METTL16: variants seen among roughly 807,000 people sequenced by gnomAD.
METTL16 encodes the protein methyltransferase 16, RNA N6-adenosine.
Under a neutral mutation model 57.9 loss-of-function variants are expected in METTL16, and 19 were observed. The observed-to-expected ratio is 0.33, with a 90% confidence interval of 0.23 to 0.48. The LOEUF (loss-of-function observed/expected upper bound fraction) is 0.48, where lower values mean the gene tolerates loss of function less well. Ranked by LOEUF, METTL16 falls within the 20% of genes least tolerant of loss-of-function variation. METTL16 has a pLI of 0.99. For missense variants in METTL16, 434 were observed against 691.5 expected (o/e 0.63, Z 4.18); for synonymous variants, 246 against 255.6 (o/e 0.96, Z 0.36).
At chr17:2,448,386 T>G (rs2067032476) in intron 6 of METTL16, among the ~76,000 whole-genome samples, 1 of 40,374 alleles carries the variant, frequency 2.5e-5, no homozygotes, top group East Asian at 5.2e-4. Flanking sequence ...ACTTTTCATT[T>G]TGTTCTGTAC....
Position 2,419,761 on chromosome 17 carries a change from T to C in METTL16, c.*209A>G. On this transcript the variant is annotated 3_prime_UTR_variant, in exon 10 of 10. Transcript: ENST00000263092. ...TGTTGTTACTGATGACCACAATTCC[T>C]CCTTGTAAATGACCACACTACGACT... is the stretch of plus-strand genomic sequence containing the variant. The C allele has an allele frequency of 1.4e-6, 1 of 713,744 alleles. No homozygotes were observed. The highest frequency in any genetic ancestry group is 2.5e-6 in the Non-Finnish European group (1 of 398,778). 44.2% of individuals were successfully genotyped at this position (713,744 alleles called of 1,614,324 possible).
chr17:2,420,249 T>C lies in METTL16; in HGVS notation c.1410A>G (p.Glu470=), dbSNP rs1415685047. The C allele has an allele frequency of 5.0e-6, 8 of 1,614,146 alleles. No individual in the cohort carries two copies. In the Middle Eastern group the frequency reaches 4.9e-4, roughly 100 times the overall value. The change falls in exon 10 of 10, where the codon GAA becomes GAG. Residue 470 remains glutamate, a synonymous_variant. Coordinates refer to ENST00000263092, the MANE Select transcript of METTL16 (RefSeq NM_024086.4). The surrounding 1 kb of genome is among the most constrained non-coding windows in gnomAD (Gnocchi z 5.4). ...TTTCCAAAACCTCCACCCCTCCCTTTTCCTCACTCCTTTCATCCTCCGTGG... is the reference window on the plus strand; with the variant it reads ...TTTCCAAAACCTCCACCCCTCCCTTCTCCTCACTCCTTTCATCCTCCGTGG... ...PEPTEDERSE[E]KGGVEVLESC... is the part of the protein sequence containing the mutation.
chr17:2,506,725 G>A (rs542169243), intron 1 of METTL16, among the ~76,000 whole-genome samples: 2,804 of 152,194 alleles, frequency 0.018, 87 homozygotes, highest in African/African-American at 0.065. Flanking sequence ...GGGAAGTGAG[G>A]AGCGTCTCTG....
chr17:2,485,528 T>C (rs2067335325), intron 2 of METTL16, among the ~76,000 whole-genome samples: 1 of 152,170 alleles, frequency 6.6e-6, no homozygotes, highest in Non-Finnish European at 1.5e-5. Flanking sequence ...AGTAGAATTG[T>C]AAAGAAAGTT....
intron 2 of METTL16, among the ~76,000 whole-genome samples, chr17:2,488,258 A>T (rs1357014409): frequency 1.3e-5 from 2 of 152,146 alleles, no homozygotes; most frequent in Non-Finnish European, 2.9e-5. Context: ...TTCTGCCTTT[A>T]AAAAGAAGGA....
At chr17:2,452,018 T>A (rs546460798) in intron 6 of METTL16, among the ~76,000 whole-genome samples, 1 of 151,456 alleles carries the variant, frequency 6.6e-6, no homozygotes, top group Non-Finnish European at 1.5e-5. Flanking sequence ...ATGCCTGTGG[T>A]CCCAGCTACT....
intron 6 of METTL16, among the ~76,000 whole-genome samples, chr17:2,459,226 A>C (rs1445625572): frequency 6.6e-6 from 1 of 152,244 alleles, no homozygotes; most frequent in African/African-American, 2.4e-5. Context: ...CTCTTCACAG[A>C]GTCCAACTGC....
At chr17:2,440,150 G>C (rs146182317) in intron 7 of METTL16, among the ~76,000 whole-genome samples, 1 of 152,146 alleles carries the variant, frequency 6.6e-6, no homozygotes, top group South Asian at 2.1e-4. Flanking sequence ...CCAGCTACTT[G>C]AGAGGCTGAA....
At chr17:2,499,657 A>G (rs2067473264) in intron 2 of METTL16, among the ~76,000 whole-genome samples, 1 of 152,208 alleles carries the variant, frequency 6.6e-6, no homozygotes, top group South Asian at 2.1e-4. Flanking sequence ...AGTCCTATTT[A>G]AATATATTTT....
chr17:2,440,159 A>C (rs932020663), intron 7 of METTL16, among the ~76,000 whole-genome samples: 5 of 152,306 alleles, frequency 3.3e-5, no homozygotes, highest in Admixed American at 2.0e-4. Context: ...TGAGAGGCTG[A>C]AGTGGGAGGA....
intron 6 of METTL16, among the ~76,000 whole-genome samples, chr17:2,459,430 A>G (rs1394715673): frequency 6.6e-6 from 1 of 152,226 alleles, no homozygotes; most frequent in East Asian, 1.9e-4. Context: ...GAGGTGAGAC[A>G]TGAACCTCCC....
chr17:2,454,441 T>C (rs2151558384), intron 6 of METTL16, among the ~76,000 whole-genome samples: 1 of 152,198 alleles, frequency 6.6e-6, no homozygotes, highest in East Asian at 1.9e-4. Flanking sequence ...TCTCAAAATT[T>C]ACTATTTAAA....
rs61742130 is a variant in METTL16, at chr17:2,418,391, G to C, written c.*1579C>G. On this transcript the variant is annotated 3_prime_UTR_variant, in exon 10 of 10. Coordinates refer to ENST00000263092, the MANE Select transcript of METTL16 (RefSeq NM_024086.4). ...GGATCACCCGAGATCATGAGTTCGA[G>C]ATTAGCCTGGCCAACATGGTGAAAT... 356 of 152,338 alleles carry C rather than the reference G, an allele frequency of 2.3e-3. 6 individuals carry two copies. In the South Asian group the frequency reaches 0.046, roughly 20 times the overall value. 9.4% of individuals were successfully genotyped at this position (152,338 alleles called of 1,614,324 possible).
In METTL16 at chr17:2,420,106, CACTT is replaced by C; in HGVS notation, c.1549_1552del (p.Lys517ValfsTer2). ...CACCTCCTTCTTAACGTTTATCAAA[CACTT>C]AAACAGGTACTGTCCGGCCACTCCT... On this transcript the variant is annotated frameshift_variant, in exon 10 of 10. Coordinates refer to ENST00000263092, the MANE Select transcript of METTL16 (RefSeq NM_024086.4). LOFTEE classifies it high-confidence loss of function. This position sits in a 1 kb window ranked among gnomAD's most constrained non-coding sequence, Gnocchi z 5.4. The C allele has an allele frequency of 1.2e-6, 2 of 1,614,252 alleles. No individual in the cohort carries two copies. Among genetic ancestry groups the C allele is most frequent in the Non-Finnish European group, 1.7e-6 (2 of 1,180,044 alleles).
intron 2 of METTL16, among the ~76,000 whole-genome samples, chr17:2,482,727 C>T (rs1597464122): frequency 1.3e-5 from 2 of 152,052 alleles, no homozygotes; most frequent in Admixed American, 1.3e-4. Flanking sequence ...GGCAACATGG[C>T]GAAAGCCCGT....
chr17:2,477,904 G>A lies in METTL16; in HGVS notation c.129-19C>T. Reference sequence around the variant, plus strand: ...ATTAAGGCTGAGGAATAAAGAAAAGGAAGTAAAACTGATTAGTAAGATTCA... The same window carrying A: ...ATTAAGGCTGAGGAATAAAGAAAAGAAAGTAAAACTGATTAGTAAGATTCA... On this transcript the variant is annotated intron_variant, in intron 2 of 9. Coordinates refer to ENST00000263092, the MANE Select transcript of METTL16 (RefSeq NM_024086.4). 4 of 1,598,996 alleles carry A rather than the reference G, an allele frequency of 2.5e-6. No homozygotes were observed. Among genetic ancestry groups the A allele is most frequent in the Non-Finnish European group, 3.4e-6 (4 of 1,167,544 alleles).
At chr17:2,497,240 A>G (rs1433757165) in intron 2 of METTL16, among the ~76,000 whole-genome samples, 1 of 148,624 alleles carries the variant, frequency 6.7e-6, no homozygotes, top group East Asian at 2.0e-4. Context: ...TCCTGACCTC[A>G]GGTGATCCGC....
chr17:2,438,605 A>T (rs1333706398), intron 7 of METTL16, among the ~76,000 whole-genome samples: 1 of 152,080 alleles, frequency 6.6e-6, no homozygotes, highest in Non-Finnish European at 1.5e-5. Flanking sequence ...AGATTCAAGC[A>T]ATTCTCCTGC....
chr17:2,426,030 CAA>C (rs71375599), intron 8 of METTL16, among the ~76,000 whole-genome samples: 102 of 93,042 alleles, frequency 1.1e-3, no homozygotes, highest in East Asian at 1.8e-3. Context: ...ATGGCTAAGG[CAA>C]AAAAAAAAAA....
Sources: gnomAD v4.1 joint callset for allele counts (sites outside exome capture counted in the v4.1 genomes callset) on GRCh38, gnomAD v4.1.1 for gene constraint, Gnocchi (gnomAD v3.1) non-coding constraint, MANE v1.5 for transcripts, NCBI Gene and HGNC (gene_info 2026-07-23, HGNC 2026-07-21) for gene names.